Variants in ACTR3B observed in about 807,000 individuals in gnomAD.
ACTR3B encodes the protein actin-related protein 3B.
In ACTR3B, 8 loss-of-function variants were observed where a neutral mutation model predicts 59.0. The observed-to-expected ratio is 0.14, with a 90% confidence interval of 0.08 to 0.24. The LOEUF (loss-of-function observed/expected upper bound fraction) is 0.24. Ranked by LOEUF, ACTR3B falls within the 10% of genes least tolerant of loss-of-function variation. The pLI, the probability that ACTR3B is intolerant of heterozygous loss-of-function variation, is 1.00. For missense variants in ACTR3B, 245 were observed against 552.3 expected (o/e 0.44, Z 5.58); for synonymous variants, 148 against 197.9 (o/e 0.75, Z 2.12).
intron 1 of ACTR3B, among the ~76,000 whole-genome samples, chr7:152,766,844 C>G (rs1483248154): frequency 6.6e-6 from 1 of 151,912 alleles, no homozygotes. Flanking sequence ...TAGAGTGCGG[C>G]GGCACAGTCT....
chr7:152,761,867 G>A (rs886294108), intron 1 of ACTR3B, among the ~76,000 whole-genome samples: 55 of 152,152 alleles, frequency 3.6e-4, no homozygotes, highest in Admixed American at 2.3e-3. Context: ...GGAAAAGAAC[G>A]GACCTAGGAA....
At chr7:152,816,292 A>G (rs1563123184) in intron 5 of ACTR3B, among the ~76,000 whole-genome samples, 189 bp from the exon 6 acceptor site, 1 of 151,972 alleles carries the variant, frequency 6.6e-6, no homozygotes, top group Admixed American at 6.6e-5. Flanking sequence ...TAAGTACTCA[A>G]CATTTTCGTG....
At chr7:152,774,946 G>A (rs112847498) in intron 1 of ACTR3B, among the ~76,000 whole-genome samples, 3 of 150,202 alleles carry the variant, frequency 2.0e-5, no homozygotes, top group East Asian at 2.0e-4. Context: ...ATCTTAGGAG[G>A]GAGTAGAGCT....
At chr7:152,765,866 T>C (rs1364973472) in intron 1 of ACTR3B, among the ~76,000 whole-genome samples, 2 of 152,112 alleles carry the variant, frequency 1.3e-5, no homozygotes, top group African/African-American at 4.8e-5. Context: ...AATGAGGCCC[T>C]GCGTGCTGTG....
At chr7:152,848,154 T>C (rs1201742947) in intron 9 of ACTR3B, among the ~76,000 whole-genome samples, 1 of 152,070 alleles carries the variant, frequency 6.6e-6, no homozygotes, top group African/African-American at 2.4e-5. Flanking sequence ...GGCCATTGGG[T>C]GTTACAGTAA....
chr7:152,809,434 T>G (rs1036962032), intron 4 of ACTR3B, among the ~76,000 whole-genome samples: 3 of 152,174 alleles, frequency 2.0e-5, no homozygotes, highest in African/African-American at 7.2e-5. Context: ...CTTTCCTGCC[T>G]AGAGGAAGCC....
At chr7:152,786,344 G>A in intron 2 of ACTR3B, 1 of 210,196 alleles carries the variant, frequency 4.8e-6, no homozygotes, top group South Asian at 4.4e-5. Context: ...CCTGAGGTCA[G>A]GGATTTGAGA....
At position 152,833,533 on chromosome 7, in the gene ACTR3B, G is replaced by A. The variant is rs547407102; in HGVS notation, c.951+8411G>A. Among the ~76,000 whole-genome samples, 222 of 152,310 alleles carry A rather than the reference G, an allele frequency of 1.5e-3. 3 individuals are homozygous for A. The South Asian group carries it at 0.038, about 26-fold the overall frequency. On this transcript the variant is annotated intron_variant, in intron 9 of 11. Coordinates refer to ENST00000256001, the MANE Select transcript of ACTR3B (RefSeq NM_020445.6). ...AGCAGGGAGAGGGGAAGGCGTGTCTGTGAGCGGTTCTTTACCTTGCACCTG... is the reference window on the plus strand; with the variant it reads ...AGCAGGGAGAGGGGAAGGCGTGTCTATGAGCGGTTCTTTACCTTGCACCTG...
At chr7:152,778,985 A>G (rs2948950) in intron 1 of ACTR3B, among the ~76,000 whole-genome samples, 4 of 125,726 alleles carry the variant, frequency 3.2e-5, no homozygotes, top group Admixed American at 8.9e-5. Flanking sequence ...AAAAAAAAAA[A>G]GGACATATGA....
intron 9 of ACTR3B, among the ~76,000 whole-genome samples, chr7:152,829,044 G>GTATATATA (rs749504905): frequency 1.4e-3 from 195 of 143,910 alleles, no homozygotes; most frequent in African/African-American, 5.3e-3. Flanking sequence ...GTGTGTGTGT[G>GTATATATA]TATATATATA....
At position 152,855,121 on chromosome 7, in the gene ACTR3B, T is replaced by C. The variant is rs189172069; in HGVS notation, c.*568T>C. On this transcript the variant is annotated 3_prime_UTR_variant, in exon 12 of 12. Transcript: ENST00000256001. ...TGTGAGGCATGTTCTGATATGTTTA[T>C]AGGCAAACAAATAAAACAGCAAACT... 5 of 152,916 alleles carry C rather than the reference T, an allele frequency of 3.3e-5. No individual in the cohort carries two copies. Among genetic ancestry groups the C allele is most frequent in the African/African-American group, 1.2e-4 (5 of 41,584 alleles). 9.5% of individuals were successfully genotyped at this position (152,916 alleles called of 1,614,324 possible).
At position 152,852,187 on chromosome 7, in the gene ACTR3B, AT is replaced by A; in HGVS notation, c.1016del (p.Leu339Ter). 6.2e-7 allele frequency: 1 copy of A among 1,612,054 alleles called. No individual in the cohort carries two copies. Among genetic ancestry groups the A allele is most frequent in the South Asian group, 1.1e-5 (1 of 91,022 alleles). On this transcript the variant is annotated frameshift_variant, in exon 10 of 12. Coordinates refer to ENST00000256001, the MANE Select transcript of ACTR3B (RefSeq NM_020445.6). LOFTEE classifies it high-confidence loss of function. ...FRDFGRRLQR[D>X]LKRVVDARLR... is the part of the protein sequence containing the mutation. ...GATTTCGGACGCCGACTGCAGAGGG[AT>A]TTGAAGAGAGTGGTGGATGCTAGGC...
intron 1 of ACTR3B, among the ~76,000 whole-genome samples, chr7:152,781,467 C>T (rs187954782): frequency 1.3e-5 from 2 of 152,010 alleles, no homozygotes; most frequent in Non-Finnish European, 2.9e-5. Flanking sequence ...GTAGATATAA[C>T]CATGAGAAAG....
chr7:152,774,348 C>G (rs2098131520), intron 1 of ACTR3B, among the ~76,000 whole-genome samples: 1 of 152,118 alleles, frequency 6.6e-6, no homozygotes. Context: ...GTTGGCCAGC[C>G]TGGTCTCGAA....
rs573502702 is a variant in ACTR3B at position 152,817,594 on chromosome 7, A to G, written c.540+1006A>G. Among the ~76,000 whole-genome samples the G allele has an allele frequency of 1.2e-4, 19 of 152,134 alleles. No individual in the cohort carries two copies. In the East Asian group the frequency reaches 3.5e-3, roughly 28 times the overall value. On this transcript the variant is annotated intron_variant, in intron 6 of 11. Transcript: ENST00000256001. ...TGTATCGGAAGTGTCTGAAGAGGGT[A>G]TTCAGAGGGAAGTCATACTCATCCT...
At chr7:152,808,850 G>C (rs946376462) in intron 4 of ACTR3B, among the ~76,000 whole-genome samples, 1 of 152,126 alleles carries the variant, frequency 6.6e-6, no homozygotes, top group African/African-American at 2.4e-5. Flanking sequence ...GTGTTTACAA[G>C]TATTAACTCA....
chr7:152,848,521 A>G (rs78430439), intron 9 of ACTR3B, among the ~76,000 whole-genome samples: 9,681 of 152,282 alleles, frequency 0.064, 483 homozygotes, highest in Middle Eastern at 0.13. Context: ...AGAAATGTCT[A>G]ATTCCAAGCA....
At chr7:152,801,316 G>T (rs1222920847) in intron 3 of ACTR3B, among the ~76,000 whole-genome samples, 6 of 152,198 alleles carry the variant, frequency 3.9e-5, no homozygotes, top group Admixed American at 3.3e-4. Flanking sequence ...CTGGGCTCGG[G>T]TGAGCCTCCT....
At position 152,787,610 on chromosome 7, in the gene ACTR3B, C is replaced by T. The variant is rs186619322; in HGVS notation, c.100+4368C>T. ...GAGATAGGTAATTTTGTTTTCCATG[C>T]GGAAGGCTAGTTGTCCCAACACTAT... On this transcript the variant is annotated intron_variant, in intron 2 of 11. Coordinates refer to ENST00000256001, the MANE Select transcript of ACTR3B (RefSeq NM_020445.6). Among the ~76,000 whole-genome samples the T allele has an allele frequency of 9.3e-3, 1,407 of 152,088 alleles. 14 individuals carry two copies. The highest frequency in any genetic ancestry group is 0.015 in the Non-Finnish European group (1,051 of 67,978).
Sources: gnomAD v4.1 joint callset for allele counts (sites outside exome capture counted in the v4.1 genomes callset) on GRCh38, gnomAD v4.1.1 for gene constraint, MANE v1.5 for transcripts, NCBI Gene and HGNC (gene_info 2026-07-23, HGNC 2026-07-21) for gene names.